CUL5: variants seen among roughly 807,000 people sequenced by gnomAD.
CUL5 encodes cullin 5, also known as cullin-5.
In CUL5, 26 loss-of-function variants were observed where a neutral mutation model predicts 108.8. The ratio of observed to expected loss-of-function variants is 0.24; its 90% CI spans 0.18 to 0.33. The LOEUF (loss-of-function observed/expected upper bound fraction) is 0.33, where lower values mean the gene tolerates loss of function less well. CUL5 is among the 10% of genes least tolerant of loss of function. The probability of loss-of-function intolerance (pLI) is 1.00; values close to 1 mark genes in which losing one functional copy is unlikely to be tolerated. For missense variants in CUL5, 524 were observed against 909.2 expected (o/e 0.58, Z 5.45); for synonymous variants, 334 against 298.0 (o/e 1.12, Z -1.25).
chr11:108,053,350 T>C (rs1362932299), intron 5 of CUL5, among the ~76,000 whole-genome samples: 3 of 152,202 alleles, frequency 2.0e-5, no homozygotes, highest in African/African-American at 7.2e-5. Flanking sequence ...ACCATGTCTT[T>C]ACTGAACATA....
intron 2 of CUL5, among the ~76,000 whole-genome samples, chr11:108,039,769 C>T (rs1362077036): frequency 6.6e-6 from 1 of 152,160 alleles, no homozygotes; most frequent in Non-Finnish European, 1.5e-5. Context: ...TTATTCAGTT[C>T]AGGTTTAATG....
Position 108,107,580 on chromosome 11 carries a change from A to G in CUL5, c.*3196A>G, listed in dbSNP as rs1468787253. 2.6e-5 allele frequency: 4 copies of G among 152,626 alleles called. No homozygotes were observed. Among genetic ancestry groups the G allele is most frequent in the Non-Finnish European group, 5.9e-5 (4 of 68,036 alleles). The allele number at this position is 152,626 out of a possible 1,614,324, so 9.5% of individuals were successfully genotyped here. On this transcript the variant is annotated 3_prime_UTR_variant, in exon 19 of 19. Transcript: ENST00000393094. ...TTTCTAAGTTGTAATCTATCCTCAT[A>G]TGGTCTATACGATTTTGAATGTGTG...
chr11:108,085,143 G>A (rs1200187912), intron 11 of CUL5: 1 of 152,148 alleles, frequency 6.6e-6, no homozygotes, highest in African/African-American at 2.4e-5. Context: ...TAGTAGAGTG[G>A]CATTACTCTT....
At chr11:108,045,209 GT>G (rs1354418148) in intron 2 of CUL5, among the ~76,000 whole-genome samples, 1 of 152,024 alleles carries the variant, frequency 6.6e-6, no homozygotes, top group Non-Finnish European at 1.5e-5. Flanking sequence ...TTTTGTTTTT[GT>G]TTTTTTGTTT....
At chr11:108,083,884 A>G (rs1864159581) in intron 11 of CUL5, among the ~76,000 whole-genome samples, 1 of 152,206 alleles carries the variant, frequency 6.6e-6, no homozygotes, top group African/African-American at 2.4e-5. Flanking sequence ...TTCTAGAACA[A>G]GCTTGTCCAA....
chr11:108,063,139 C>T (rs1281834692), intron 7 of CUL5, among the ~76,000 whole-genome samples: 1 of 152,160 alleles, frequency 6.6e-6, no homozygotes, highest in African/African-American at 2.4e-5. Flanking sequence ...GCCACTGCAC[C>T]CGACTATTCA....
chr11:108,029,138 G>A (rs948948529), intron 1 of CUL5, among the ~76,000 whole-genome samples: 2 of 151,942 alleles, frequency 1.3e-5, no homozygotes, highest in African/African-American at 4.8e-5. Context: ...GCTTCCCCAC[G>A]GCCCATTTGT....
chr11:108,103,957 C>G (rs1343083040), intron 18 of CUL5, among the ~76,000 whole-genome samples: 1 of 152,116 alleles, frequency 6.6e-6, no homozygotes, highest in African/African-American at 2.4e-5. Context: ...TATCCCTCCC[C>G]TATCCCCCCA....
In CUL5 at chr11:108,098,347, A is replaced by G. The variant is rs960202364; in HGVS notation, c.2025-59A>G. ...ATCTTTTCTCTCAGACATTGTTGCT[A>G]TAATAGGATTTTTAAAGTGTTTTTC... On this transcript the variant is annotated intron_variant, in intron 17 of 18. Transcript: ENST00000393094. 23 of 1,443,632 alleles carry G rather than the reference A, an allele frequency of 1.6e-5. No homozygotes were observed. In the East Asian group the frequency reaches 3.8e-4, roughly 24 times the overall value. The allele number at this position is 1,443,632 out of a possible 1,614,324, so 89.4% of individuals were successfully genotyped here. A position where few individuals can be genotyped will look rare whatever the true frequency, so the allele number is the denominator to read the frequency against.
chr11:108,052,650 G>A lies in CUL5; in HGVS notation c.412-10G>A, dbSNP rs527662028. ...GAAAATTATGTTACAATTTGTTCTT[G>A]TTTTCCTAGCTTATGCTTGATACAT... is the stretch of plus-strand genomic sequence containing the variant. On this transcript the variant is annotated splice_polypyrimidine_tract_variant and intron_variant, in intron 4 of 18. Coordinates refer to ENST00000393094, the MANE Select transcript of CUL5 (RefSeq NM_003478.6). 31 of 1,588,454 alleles carry A rather than the reference G, an allele frequency of 2.0e-5. 1 individual carries two copies. In the South Asian group the frequency reaches 3.3e-4, roughly 17 times the overall value.
At chr11:108,034,793 C>T (rs188323431) in intron 2 of CUL5, among the ~76,000 whole-genome samples, 1 of 152,196 alleles carries the variant, frequency 6.6e-6, no homozygotes, top group African/African-American at 2.4e-5. Flanking sequence ...TCTTCTCAAT[C>T]ATCCAGACCT....
intron 18 of CUL5, among the ~76,000 whole-genome samples, chr11:108,101,918 A>G (rs564649947): frequency 1.3e-5 from 2 of 152,302 alleles, no homozygotes; most frequent in East Asian, 3.9e-4. Flanking sequence ...CCCCTGACAT[A>G]AACCCCAATT....
intron 2 of CUL5, among the ~76,000 whole-genome samples, chr11:108,039,517 T>G (rs1862837646): frequency 6.6e-6 from 1 of 152,254 alleles, no homozygotes; most frequent in Admixed American, 6.5e-5. Context: ...TTTTTAAGTG[T>G]ACAATTCAGT....
chr11:108,024,983 G>T (rs1446128187), intron 1 of CUL5, among the ~76,000 whole-genome samples: 1 of 152,134 alleles, frequency 6.6e-6, no homozygotes, highest in Non-Finnish European at 1.5e-5. Context: ...TCAGTTCAGT[G>T]ACTCTGCTAC....
chr11:108,096,929 A>T (rs2135242428), intron 16 of CUL5, among the ~76,000 whole-genome samples: 1 of 152,212 alleles, frequency 6.6e-6, no homozygotes, highest in Non-Finnish European at 1.5e-5. Flanking sequence ...AAATCTAAAA[A>T]CTTTGGTCTG....
rs543164170 is a variant in CUL5 at position 108,009,256 on chromosome 11, T to G, written c.-93T>G. ...CACCCTGGTGCGGGCCGACGGGCCC[T>G]GGGCCCTGGTGGGAGCTCCGGCCTC... On this transcript the variant is annotated 5_prime_UTR_variant, in exon 1 of 19. Coordinates refer to ENST00000393094, the MANE Select transcript of CUL5 (RefSeq NM_003478.6). 12 of 1,432,870 alleles carry G rather than the reference T, an allele frequency of 8.4e-6. No individual in the cohort carries two copies. In the East Asian group the frequency reaches 1.6e-4, roughly 19 times the overall value. 88.8% of individuals were successfully genotyped at this position (1,432,870 alleles called of 1,614,324 possible).
chr11:108,025,464 T>C (rs1862430141), intron 1 of CUL5, among the ~76,000 whole-genome samples: 1 of 152,214 alleles, frequency 6.6e-6, no homozygotes, highest in Non-Finnish European at 1.5e-5. Context: ...TTGATCCTTT[T>C]GAAGCTTACC....
intron 11 of CUL5, among the ~76,000 whole-genome samples, chr11:108,079,076 T>C (rs1279265419): frequency 6.6e-6 from 1 of 152,094 alleles, no homozygotes; most frequent in Non-Finnish European, 1.5e-5. Flanking sequence ...TCTTTCACCC[T>C]AGCATTTTTT....
intron 7 of CUL5, among the ~76,000 whole-genome samples, chr11:108,059,830 G>C (rs994485291): frequency 5.3e-5 from 8 of 151,112 alleles, no homozygotes; most frequent in Non-Finnish European, 1.2e-4. Flanking sequence ...GTTGCAGTAA[G>C]GAGAGATCAC....
Sources: gnomAD v4.1 joint callset for allele counts (sites outside exome capture counted in the v4.1 genomes callset) on GRCh38, gnomAD v4.1.1 for gene constraint, MANE v1.5 for transcripts, NCBI Gene and HGNC (gene_info 2026-07-23, HGNC 2026-07-21) for gene names.